Variants in PACS2 observed in about 807,000 individuals in gnomAD.
The protein encoded by PACS2 is phosphofurin acidic cluster sorting protein 2.
PACS2 carries 36 observed loss-of-function variants against 113.0 expected under a neutral mutation model. That is an observed-to-expected ratio of 0.32 (90% CI 0.24 to 0.42). The LOEUF is 0.42. PACS2 is among the 10% of genes least tolerant of loss of function. The pLI is 1.00. For missense variants in PACS2, 1,015 were observed against 1,239.5 expected (o/e 0.82, Z 2.72); for synonymous variants, 589 against 536.1 (o/e 1.10, Z -1.36).
At chr14:105,338,718 C>T (rs10148890) in intron 1 of PACS2, among the ~76,000 whole-genome samples, 7,141 of 152,270 alleles carry the variant, frequency 0.047, 598 homozygotes, top group African/African-American at 0.16. Context: ...CCCTTGGGTG[C>T]CCAGGCCTAG....
chr14:105,308,133 T>C (rs1391034694), intron 1 of PACS2, among the ~76,000 whole-genome samples: 1 of 151,610 alleles, frequency 6.6e-6, no homozygotes, highest in Non-Finnish European at 1.5e-5. Flanking sequence ...CAGTGAGTTA[T>C]GATCACACCA....
At chr14:105,347,986 G>A (rs763714775) in intron 1 of PACS2, among the ~76,000 whole-genome samples, 8 of 152,192 alleles carry the variant, frequency 5.3e-5, no homozygotes, top group African/African-American at 9.7e-5. Flanking sequence ...GCCTCAGGAC[G>A]GAATGATGGA....
intron 2 of PACS2, among the ~76,000 whole-genome samples, chr14:105,349,934 C>T (rs111677704): frequency 6.2e-4 from 90 of 145,112 alleles, no homozygotes; most frequent in South Asian, 2.2e-3. Context: ...TGCAGGACCC[C>T]GAGAACTTCC....
At position 105,315,903 on chromosome 14, in the gene PACS2, G is replaced by T. The variant is rs948935610; in HGVS notation, c.119+866G>T. Among the ~76,000 whole-genome samples, 1 of 152,254 alleles carries T rather than the reference G, an allele frequency of 6.6e-6. No homozygotes were observed. The highest frequency in any genetic ancestry group is 2.4e-5 in the African/African-American group (1 of 41,474). On this transcript the variant is annotated intron_variant, in intron 1 of 24. Coordinates refer to ENST00000447393, the MANE Select transcript of PACS2 (RefSeq NM_001100913.3). The surrounding 1 kb of genome is among the most constrained non-coding windows in gnomAD (Gnocchi z 4.4). ...AGGCGAGAAGAGGAGGCGGTTGGGG[G>T]TAGTGAGAGTTCTCCCTGGGGAGAT...
At chr14:105,382,736 T>TG in intron 14 of PACS2, 71 bp from the exon 15 acceptor site, 1 of 1,034,828 alleles carries the variant, frequency 9.7e-7, no homozygotes, top group East Asian at 2.5e-5. Flanking sequence ...CTGAGAGCTT[T>TG]GGTGAGGGTC....
intron 1 of PACS2, among the ~76,000 whole-genome samples, chr14:105,308,475 TTCTG>T (rs1292969252): frequency 1.3e-5 from 2 of 149,178 alleles, no homozygotes; most frequent in South Asian, 2.1e-4. Context: ...CAGAGGCAGA[TTCTG>T]TCTTTTTTTT....
chr14:105,335,549 C>T (rs1430216580), intron 1 of PACS2, among the ~76,000 whole-genome samples: 2 of 152,256 alleles, frequency 1.3e-5, no homozygotes, highest in African/African-American at 4.8e-5. Flanking sequence ...CTTCACCCTC[C>T]CTCATGGGCA....
intron 2 of PACS2, among the ~76,000 whole-genome samples, chr14:105,349,271 GC>G (rs1342451610): frequency 6.6e-6 from 1 of 152,246 alleles, no homozygotes; most frequent in Non-Finnish European, 1.5e-5. Context: ...TAGGGCCACC[GC>G]CAGCGGGCTC....
At chr14:105,392,276 T>G (rs1391609579) in intron 22 of PACS2, 1 of 379,822 alleles carries the variant, frequency 2.6e-6, no homozygotes, top group Non-Finnish European at 4.9e-6. Flanking sequence ...CCGACCCCCC[T>G]GCCTCTGTGT....
chr14:105,384,933 A>G lies in PACS2; in HGVS notation c.1946A>G (p.Asn649Ser), dbSNP rs587640790. 7 of 1,601,696 alleles carry G rather than the reference A, an allele frequency of 4.4e-6. No individual in the cohort carries two copies. Among genetic ancestry groups the G allele is most frequent in the African/African-American group, 1.3e-5 (1 of 74,830 alleles). Residue 649 changes from asparagine to serine, a missense_variant, in exon 18 of 25, where the codon AAC (asparagine) becomes AGC (serine). Physicochemically the swap from Asn to Ser is conservative, Grantham distance 46. Coordinates refer to ENST00000447393, the MANE Select transcript of PACS2 (RefSeq NM_001100913.3). ...ATCACGCAGTACATCGCAGGGGCCA[A>G]CTGTGCCCACCAGCTCCCCATCGCA... The part of the protein sequence containing the change: ...SRITQYIAGA[N>S]CAHQLPIAEA...
intron 1 of PACS2, among the ~76,000 whole-genome samples, chr14:105,343,832 A>G (rs1313421824): frequency 6.6e-6 from 1 of 151,760 alleles, no homozygotes; most frequent in Non-Finnish European, 1.5e-5. Flanking sequence ...AGTAGCTGGG[A>G]CTACAGGCTT....
At chr14:105,313,862 G>A (rs1303111482), upstream of PACS2, among the ~76,000 whole-genome samples, 1 of 152,234 alleles carries the variant, frequency 6.6e-6, no homozygotes, top group Non-Finnish European at 1.5e-5. Flanking sequence ...CACCCTCCCT[G>A]AGCCCCAGAG....
rs2081500357 is a variant in PACS2, at chr14:105,395,273, G to C, written c.*601G>C. On this transcript the variant is annotated 3_prime_UTR_variant, in exon 25 of 25. Coordinates refer to ENST00000447393, the MANE Select transcript of PACS2 (RefSeq NM_001100913.3). The stretch of plus-strand genomic sequence containing the variant: ...CTGCCAAACATGTTGCTCTTCTGAA[G>C]TCCCCCTGGGGCTGGGCAGAGCCAG... 6.6e-6 allele frequency: 1 copy of C among 152,434 alleles called. No homozygotes were observed. The highest frequency in any genetic ancestry group is 1.5e-5 in the Non-Finnish European group (1 of 68,228). 9.4% of individuals were successfully genotyped at this position (152,434 alleles called of 1,614,324 possible).
At chr14:105,344,825 C>A (rs1185144422) in intron 1 of PACS2, among the ~76,000 whole-genome samples, 10 of 152,136 alleles carry the variant, frequency 6.6e-5, no homozygotes, top group Non-Finnish European at 1.2e-4. Context: ...TAAGATGGAA[C>A]CTTAGGGCTG....
chr14:105,321,063 G>A (rs2058866694), intron 1 of PACS2, among the ~76,000 whole-genome samples: 1 of 152,240 alleles, frequency 6.6e-6, no homozygotes, highest in South Asian at 2.1e-4. Context: ...TGAAGCAGGA[G>A]AATCACTTGA....
rs1024937056 is a variant in PACS2 at position 105,308,044 on chromosome 14, C to T, written c.-83+7065C>T. On this transcript the variant is annotated intron_variant, in intron 1 of 23. Transcript: ENST00000430725. ...ACAAAAAATTTAAAAATTAGCTGTG[C>T]GTGGTGGTGCGTGCCTCTAGTTCAG... Among the ~76,000 whole-genome samples the T allele has an allele frequency of 2.6e-5, 4 of 151,408 alleles. No homozygotes were observed. The East Asian group carries it at 5.8e-4, about 22-fold the overall frequency.
intron 1 of PACS2, among the ~76,000 whole-genome samples, chr14:105,328,220 C>T (rs971223321): frequency 6.6e-6 from 1 of 152,242 alleles, no homozygotes; most frequent in Non-Finnish European, 1.5e-5. Context: ...GCTTATGCCA[C>T]ACCCCCTGCC....
rs782383526 is a variant in PACS2, at chr14:105,354,093, A to T, written c.298-959A>T. Among the ~76,000 whole-genome samples, 1 of 152,016 alleles carries T rather than the reference A, an allele frequency of 6.6e-6. No individual in the cohort carries two copies. The highest frequency in any genetic ancestry group is 1.5e-5 in the Non-Finnish European group (1 of 67,998). ...ACAGAGTGAGACTCCATCTCAAAAA[A>T]AAGAGAGAATATAATAACGAGGGCA... On this transcript the variant is annotated intron_variant, in intron 3 of 24. Transcript: ENST00000447393. This position sits in a 1 kb window ranked among gnomAD's most constrained non-coding sequence, Gnocchi z 4.2.
At position 105,309,380 on chromosome 14, in the gene PACS2, T is replaced by A. The variant is rs192568409; in HGVS notation, c.-83+8401T>A. Among the ~76,000 whole-genome samples, 3 of 152,342 alleles carry A rather than the reference T, an allele frequency of 2.0e-5. No homozygotes were observed. The highest frequency in any genetic ancestry group is 2.0e-4 in the Admixed American group (3 of 15,300). On this transcript the variant is annotated intron_variant, in intron 1 of 23. Transcript: ENST00000430725. The surrounding 1 kb of genome is among the most constrained non-coding windows in gnomAD (Gnocchi z 4.0). ...GAGAATTTCCCCATGTTGCTAAAAC[T>A]GAGGCAGCGTTCCGTTTTGCTGGTT...
Sources: allele counts gnomAD v4.1 joint callset (sites outside exome capture counted in the v4.1 genomes callset), GRCh38; gene constraint gnomAD v4.1.1; non-coding constraint Gnocchi (gnomAD v3.1); transcripts MANE v1.5; gene names NCBI Gene and HGNC (gene_info 2026-07-23, HGNC 2026-07-21).